Variants in BNC2 observed in about 807,000 individuals in gnomAD.
BNC2 encodes the protein basonuclin zinc finger protein 2.
Under a neutral mutation model 76.3 loss-of-function variants are expected in BNC2, and 20 were observed. The ratio of observed to expected loss-of-function variants is 0.26; its 90% CI spans 0.18 to 0.38. The LOEUF is 0.38. BNC2 is among the 10% of genes least tolerant of loss of function. The pLI, the probability that BNC2 is intolerant of heterozygous loss-of-function variation, is 1.00. For synonymous variants in BNC2, 582 were observed against 514.8 expected (o/e 1.13, Z -1.77); for missense variants, 1,382 against 1,399.8 (o/e 0.99, Z 0.20).
intron 5 of BNC2, among the ~76,000 whole-genome samples, chr9:16,462,341 T>C (rs1031065781): frequency 6.6e-6 from 1 of 152,196 alleles, no homozygotes; most frequent in Non-Finnish European, 1.5e-5. Context: ...AGCCATCTCC[T>C]GAGATTCTGC....
At chr9:16,676,749 T>C (rs1248898201) in intron 3 of BNC2, among the ~76,000 whole-genome samples, 1 of 152,194 alleles carries the variant, frequency 6.6e-6, no homozygotes, top group Non-Finnish European at 1.5e-5. Context: ...CTCGAAAATA[T>C]GTAGGGGCAT....
intron 1 of BNC2, among the ~76,000 whole-genome samples, chr9:16,743,309 C>CT (rs899202873): frequency 2.0e-4 from 30 of 150,560 alleles, no homozygotes; most frequent in East Asian, 2.0e-4. Flanking sequence ...AGACTTTTTA[C>CT]TTTTTTTTTT....
intron 1 of BNC2, among the ~76,000 whole-genome samples, chr9:16,788,346 G>A (rs1291931931): frequency 6.6e-6 from 1 of 151,716 alleles, no homozygotes; most frequent in Non-Finnish European, 1.5e-5. Flanking sequence ...GAAGTCAGGA[G>A]ATCGAGACCA....
rs574617228 is a variant in BNC2, at chr9:16,453,035, T to C, written c.670-15511A>G. On this transcript the variant is annotated intron_variant, in intron 5 of 6. Transcript: ENST00000380672. ...GAGGCTACTGGACGGATTTAAACAATGCAGTCTGTGCCTTGGTCTCCTCAC... is the reference window on the plus strand; with the variant it reads ...GAGGCTACTGGACGGATTTAAACAACGCAGTCTGTGCCTTGGTCTCCTCAC... Among the ~76,000 whole-genome samples the C allele has an allele frequency of 1.3e-3, 195 of 152,296 alleles. 1 individual carries two copies. Among genetic ancestry groups the C allele is most frequent in the Non-Finnish European group, 2.3e-3 (159 of 68,028 alleles).
At chr9:16,450,286 T>C (rs968766605) in intron 5 of BNC2, among the ~76,000 whole-genome samples, 1 of 152,312 alleles carries the variant, frequency 6.6e-6, no homozygotes. Flanking sequence ...CATCTTTAAA[T>C]AATAATTTAA....
Position 16,689,938 on chromosome 9 carries a change from A to G in BNC2, c.330+37859T>C, listed in dbSNP as rs112691135. 2.0e-3 allele frequency among the ~76,000 whole-genome samples: 311 copies of G among 152,360 alleles called. 3 individuals are homozygous for G. Among genetic ancestry groups the G allele is most frequent in the African/African-American group, 6.9e-3 (288 of 41,584 alleles). On this transcript the variant is annotated intron_variant, in intron 3 of 6. Coordinates refer to ENST00000380672, the MANE Select transcript of BNC2 (RefSeq NM_017637.6). ...ATAAACAAATTATCCAACACTGTAA[A>G]GATGAAGATGCACGCTAAACACACT... is the stretch of plus-strand genomic sequence containing the variant.
At chr9:16,425,312 AG>A (rs1820783534) in intron 6 of BNC2, among the ~76,000 whole-genome samples, 1 of 152,150 alleles carries the variant, frequency 6.6e-6, no homozygotes, top group South Asian at 2.1e-4. Context: ...AATAACAGGT[AG>A]GATGTATTGG....
intron 3 of BNC2, among the ~76,000 whole-genome samples, chr9:16,693,986 T>TACCTCTAATG (rs1224881937): frequency 2.0e-5 from 3 of 152,240 alleles, no homozygotes; most frequent in Admixed American, 2.0e-4. Flanking sequence ...AAGATGTATT[T>TACCTCTAATG]ACCTCTAATG....
intron 5 of BNC2, among the ~76,000 whole-genome samples, chr9:16,527,390 C>G (rs1185230735): frequency 6.6e-6 from 1 of 152,236 alleles, no homozygotes; most frequent in Non-Finnish European, 1.5e-5. Flanking sequence ...AGACCCCTGT[C>G]TACCCCTGTG....
intron 5 of BNC2, among the ~76,000 whole-genome samples, chr9:16,444,163 G>A (rs989483038): frequency 6.6e-6 from 1 of 152,126 alleles, no homozygotes; most frequent in Non-Finnish European, 1.5e-5. Flanking sequence ...ACAATCCACT[G>A]TGACATGGTG....
At chr9:16,422,919 T>C (rs1169278197) in intron 6 of BNC2, among the ~76,000 whole-genome samples, 1 of 152,184 alleles carries the variant, frequency 6.6e-6, no homozygotes, top group Non-Finnish European at 1.5e-5. Context: ...TAATAGCAAT[T>C]TGAGGACTAT....
At chr9:16,636,423 C>G (rs1168620055) in intron 3 of BNC2, among the ~76,000 whole-genome samples, 1 of 152,066 alleles carries the variant, frequency 6.6e-6, no homozygotes, top group African/African-American at 2.4e-5. Context: ...TCACCTCAGC[C>G]TCCCAAGTAG....
intron 3 of BNC2, among the ~76,000 whole-genome samples, chr9:16,628,428 G>A (rs1450823415): frequency 1.3e-5 from 2 of 152,148 alleles, no homozygotes; most frequent in Non-Finnish European, 2.9e-5. Context: ...CAAGTGGAAC[G>A]CCGTGAGAGG....
At chr9:16,631,781 C>A (rs1309877363) in intron 3 of BNC2, among the ~76,000 whole-genome samples, 2 of 152,228 alleles carry the variant, frequency 1.3e-5, no homozygotes, top group Non-Finnish European at 2.9e-5. Context: ...CAGAAACACA[C>A]AGAGATTTCC....
chr9:16,673,714 G>A (rs1474713911), intron 3 of BNC2, among the ~76,000 whole-genome samples: 1 of 152,176 alleles, frequency 6.6e-6, no homozygotes, highest in African/African-American at 2.4e-5. Flanking sequence ...AAATAAGTTT[G>A]ATTTATATCT....
At chr9:16,716,816 A>G (rs1286871299) in intron 3 of BNC2, among the ~76,000 whole-genome samples, 1 of 152,218 alleles carries the variant, frequency 6.6e-6, no homozygotes, top group African/African-American at 2.4e-5. Flanking sequence ...TCCTTCCGAA[A>G]GGAAGCATTT....
At chr9:16,503,866 A>C (rs1045749498) in intron 5 of BNC2, among the ~76,000 whole-genome samples, 1 of 152,212 alleles carries the variant, frequency 6.6e-6, no homozygotes, top group Non-Finnish European at 1.5e-5. Context: ...ACACTTTTCA[A>C]CATGCCAATA....
Position 16,659,338 on chromosome 9 carries a change from A to G in BNC2, c.330+68459T>C, listed in dbSNP as rs868003807. 3.5e-4 allele frequency among the ~76,000 whole-genome samples: 53 copies of G among 152,194 alleles called. 1 individual carries two copies. Among genetic ancestry groups the G allele is most frequent in the South Asian group, 1.7e-3 (8 of 4,812 alleles). ...TCAAAATCCCAAGCTTGCGGCGGGC[A>G]CAGTGGCTCACGCGTAATCACAGCA... On this transcript the variant is annotated intron_variant, in intron 3 of 6. Coordinates refer to ENST00000380672, the MANE Select transcript of BNC2 (RefSeq NM_017637.6).
chr9:16,616,919 T>C (rs1820722182), intron 3 of BNC2, among the ~76,000 whole-genome samples: 1 of 152,180 alleles, frequency 6.6e-6, no homozygotes, highest in Non-Finnish European at 1.5e-5. Context: ...TTTGAACCAT[T>C]CTGTCCTAGT....
Sources: allele counts gnomAD v4.1 joint callset (sites outside exome capture counted in the v4.1 genomes callset), GRCh38; gene constraint gnomAD v4.1.1; transcripts MANE v1.5; gene names NCBI Gene and HGNC (gene_info 2026-07-23, HGNC 2026-07-21).